ACAP3: variants seen among roughly 807,000 people sequenced by gnomAD.
ACAP3 encodes ArfGAP with coiled-coil, ankyrin repeat and PH domains 3.
Under a neutral mutation model 104.1 loss-of-function variants are expected in ACAP3, and 56 were observed. The observed-to-expected ratio is 0.54, with a 90% CI of 0.43 to 0.67. ACAP3 has a LOEUF of 0.67. Ranked by LOEUF, ACAP3 falls within the 30% of genes least tolerant of loss-of-function variation. ACAP3 has a pLI of 0.00. For synonymous variants in ACAP3, 628 were observed against 496.2 expected (o/e 1.27, Z -3.53); for missense variants, 1,208 against 1,174.9 (o/e 1.03, Z -0.41).
chr1:1,300,536 G>T lies in ACAP3; in HGVS notation c.495C>A (p.Arg165=), dbSNP rs376169766. 6.2e-7 allele frequency: 1 copy of T among 1,611,668 alleles called. No homozygotes were observed. Among genetic ancestry groups the T allele is most frequent in the Non-Finnish European group, 8.5e-7 (1 of 1,179,664 alleles). Residue 165 remains arginine (R), a synonymous_variant, in exon 6 of 24, where the codon CGC becomes CGA. Transcript: ENST00000354700. ...GALTLTRKCF[R]HLALDYVLQI... ...GGAGCACATAGTCCAGTGCCAGGTG[G>T]CGGAAGCACTTCCTGGTGAGGGTGA...
At position 1,294,081 on chromosome 1, in the gene ACAP3, G is replaced by C. The variant is rs1258988094; in HGVS notation, c.2249+9C>G. ...GGGCACAGGGCGGGGCGTGGGTTGC[G>C]CGTCTCACCCGGTGCGGCCCAGCAG... is the stretch of plus-strand genomic sequence containing the variant. On this transcript the variant is annotated intron_variant, in intron 22 of 23. Transcript: ENST00000354700. The C allele has an allele frequency of 1.9e-6, 3 of 1,558,282 alleles. No homozygotes were observed. Among genetic ancestry groups the C allele is most frequent in the Non-Finnish European group, 2.6e-6 (3 of 1,150,798 alleles).
chr1:1,303,780 C>G lies in ACAP3; in HGVS notation c.105+306G>C. 1.9e-6 allele frequency: 1 copy of G among 512,854 alleles called. No homozygotes were observed. The highest frequency in any genetic ancestry group is 2.2e-5 in the South Asian group (1 of 44,890). 31.8% of individuals were successfully genotyped at this position (512,854 alleles called of 1,614,324 possible). On this transcript the variant is annotated intron_variant, in intron 2 of 23. Coordinates refer to ENST00000354700, the MANE Select transcript of ACAP3 (RefSeq NM_030649.3). The surrounding 1 kb of genome is among the most constrained non-coding windows in gnomAD (Gnocchi z 4.0). ...CAGCCCCAGCCACACCAAGGCTCAG[C>G]CCACACAGCAGCTGTCCCCGTGTCA...
intron 1 of ACAP3, 50 bp from the exon 2 acceptor site, chr1:1,304,193 C>T (rs1036413029): frequency 2.7e-5 from 42 of 1,546,492 alleles, no homozygotes; most frequent in Non-Finnish European, 3.3e-5. Context: ...TCAGCCCCCT[C>T]GGGGCTTCAC....
intron 1 of ACAP3, chr1:1,304,863 C>G (rs567753846): frequency 3.3e-5 from 5 of 152,390 alleles, no homozygotes; most frequent in African/African-American, 7.2e-5. Flanking sequence ...GGATCGGGCA[C>G]GTGACCACCC....
At chr1:1,305,897 T>G (rs1195699579) in intron 1 of ACAP3, 1 of 152,102 alleles carries the variant, frequency 6.6e-6, no homozygotes, top group Non-Finnish European at 1.5e-5. Flanking sequence ...GGTCCCCCTC[T>G]CCCGGGCTGG....
In ACAP3 at chr1:1,296,204, C is replaced by A; in HGVS notation, c.1407+7G>T. On this transcript the variant is annotated splice_region_variant and intron_variant, in intron 16 of 23. Transcript: ENST00000354700. ...GGTCCCGTGGCCTCCAGGAGCCCCA[C>A]ACGCACCTTTAGCAGCTCAGGCTCC... is the stretch of plus-strand genomic sequence containing the variant. 1 of 1,582,066 alleles carries A rather than the reference C, an allele frequency of 6.3e-7. No homozygotes were observed. Among genetic ancestry groups the A allele is most frequent in the Non-Finnish European group, 8.6e-7 (1 of 1,163,558 alleles).
Position 1,299,844 on chromosome 1 carries a change from G to A in ACAP3, c.725C>T (p.Ala242Val), listed in dbSNP as rs1641367194. 1.4e-5 allele frequency: 22 copies of A among 1,551,396 alleles called. No individual in the cohort carries two copies. The highest frequency in any genetic ancestry group is 1.9e-5 in the Non-Finnish European group (22 of 1,147,228). The stretch of plus-strand genomic sequence containing the variant: ...GCGCGGCCTCACCCGCTGCTGGATG[G>A]CGGCGTGCTTTCGCTCCATCTCACG... ...EKREMERKHA[A>V]IQQRTLLQDF... The change falls in exon 9 of 24, where the codon GCC (alanine) becomes GTC (valine). Residue 242 changes from alanine to valine, a missense_variant. Transcript: ENST00000354700.
At chr1:1,299,304 T>C (rs1056290053) in intron 10 of ACAP3, 41 bp downstream of exon 10, 3 of 1,587,434 alleles carry the variant, frequency 1.9e-6, no homozygotes, top group South Asian at 2.3e-5. Flanking sequence ...CCATCTGGTC[T>C]CCCCCGACCC....
At chr1:1,294,924 G>T in intron 19 of ACAP3, 108 bp from the exon 20 acceptor site, 1 of 1,121,864 alleles carries the variant, frequency 8.9e-7, no homozygotes, top group Non-Finnish European at 1.3e-6. Flanking sequence ...CACCCCTAGG[G>T]ACAGGACCAG....
chr1:1,293,741 C>CCTGGAGGCCCCGCCCCTGCT (rs766369530), intron 23 of ACAP3, 33 bp from the exon 24 acceptor site: 26 of 1,454,212 alleles, frequency 1.8e-5, no homozygotes, highest in South Asian at 1.5e-4. Flanking sequence ...ACGCCCCTGC[C>CCTGGAGGCCCCGCCCCTGCT]CTGGAGGCCC....
chr1:1,298,255 G>C, intron 12 of ACAP3, 115 bp downstream of exon 12: 1 of 1,581,764 alleles, frequency 6.3e-7, no homozygotes, highest in Non-Finnish European at 8.6e-7. Flanking sequence ...TGACTGTTCC[G>C]GCTCCGGCGT....
At chr1:1,294,300 G>A in intron 21 of ACAP3, 101 bp from the exon 22 acceptor site, 6 of 1,510,916 alleles carry the variant, frequency 4.0e-6, no homozygotes, top group Non-Finnish European at 5.4e-6. Context: ...GGGACCGAAC[G>A]TGGTCCCCAC....
intron 5 of ACAP3, 64 bp from the exon 6 acceptor site, chr1:1,300,756 C>G (rs1641407820): frequency 1.3e-6 from 2 of 1,523,456 alleles, no homozygotes; most frequent in Non-Finnish European, 1.8e-6. Flanking sequence ...CCTGGAGTCT[C>G]CCACATCGTT....
Position 1,307,864 on chromosome 1 carries a change from C to G in ACAP3, c.-49G>C, listed in dbSNP as rs971813549. 2.0e-6 allele frequency: 2 copies of G among 984,960 alleles called. No individual in the cohort carries two copies. Among genetic ancestry groups the G allele is most frequent in the African/African-American group, 1.8e-5 (1 of 56,772 alleles). 61.0% of individuals were successfully genotyped at this position (984,960 alleles called of 1,614,324 possible). Reference sequence around the variant, plus strand: ...CTGGCACGAGGACCGCGGCGCCGAGCGGCAGCCGCGCCGGCCCGGACCGCT... The same window carrying G: ...CTGGCACGAGGACCGCGGCGCCGAGGGGCAGCCGCGCCGGCCCGGACCGCT... On this transcript the variant is annotated 5_prime_UTR_variant, in exon 1 of 24. Coordinates refer to ENST00000354700, the MANE Select transcript of ACAP3 (RefSeq NM_030649.3).
At chr1:1,296,931 A>T (rs1175946746) in intron 14 of ACAP3, among the ~76,000 whole-genome samples, 2 of 151,726 alleles carry the variant, frequency 1.3e-5, no homozygotes, top group African/African-American at 2.4e-5. Flanking sequence ...GCACACTCCC[A>T]CACGCGCGTG....
intron 19 of ACAP3, among the ~76,000 whole-genome samples, chr1:1,295,165 GA>G (rs1357621895): frequency 2.1e-4 from 32 of 152,120 alleles, no homozygotes; most frequent in Non-Finnish European, 4.4e-5. Flanking sequence ...CATGGCTCCA[GA>G]AGGGCCCTAG....
At position 1,294,616 on chromosome 1, in the gene ACAP3, GACT is replaced by G; in HGVS notation, c.1922_1924del (p.Glu641_Ser642delinsAla). ...GTCTGCCTCACCGCTGGACTCCTCC[GACT>G]CTGCACCCTCTGTGGGGAGGGGGCG... On this transcript the variant is annotated inframe_deletion, in exon 21 of 24. Transcript: ENST00000354700. 2.6e-6 allele frequency: 4 copies of G among 1,526,064 alleles called. No individual in the cohort carries two copies. Among genetic ancestry groups the G allele is most frequent in the Non-Finnish European group, 3.5e-6 (4 of 1,136,776 alleles). The allele number at this position is 1,526,064 out of a possible 1,614,324, so 94.5% of individuals were successfully genotyped here.
chr1:1,299,525 C>T, intron 9 of ACAP3, 169 bp from the exon 10 acceptor site: 2 of 884,092 alleles, frequency 2.3e-6, no homozygotes, highest in South Asian at 1.9e-5. Context: ...CTGCAGCCAA[C>T]CTCTGCCCGG....
rs765259343 is a variant in ACAP3 at position 1,293,701 on chromosome 1, G to A, written c.2368C>T (p.Leu790=). ...CGCATTTCCTCCGCCATGCGCGCCA[G>A]ACGGAGCCTACGGGGAGGCACAGCG... ...ANADIVTLLR[L]ARMAEEMREA... Residue 790 remains leucine (L), a synonymous_variant, in exon 24 of 24, where the codon CTG becomes TTG. Coordinates refer to ENST00000354700, the MANE Select transcript of ACAP3 (RefSeq NM_030649.3). The A allele has an allele frequency of 7.7e-7, 1 of 1,298,680 alleles. No individual in the cohort carries two copies. The highest frequency in any genetic ancestry group is 2.2e-5 in the African/African-American group (1 of 46,368). The allele number at this position is 1,298,680 out of a possible 1,614,324, so 80.4% of individuals were successfully genotyped here. A position where few individuals can be genotyped will look rare whatever the true frequency, so the allele number is the denominator to read the frequency against.
Sources: gnomAD v4.1 joint callset for allele counts (sites outside exome capture counted in the v4.1 genomes callset) on GRCh38, gnomAD v4.1.1 for gene constraint, Gnocchi (gnomAD v3.1) non-coding constraint, MANE v1.5 for transcripts, NCBI Gene and HGNC (gene_info 2026-07-23, HGNC 2026-07-21) for gene names.